Variants in KRT72 observed in about 807,000 individuals in gnomAD.
KRT72 encodes keratin, type II cytoskeletal 72.
Under a neutral mutation model 44.7 loss-of-function variants are expected in KRT72, and 44 were observed. The ratio of observed to expected loss-of-function variants is 0.98; its 90% CI spans 0.77 to 1.27. KRT72 has a LOEUF of 1.27. KRT72 is among the 50% of genes most tolerant of loss of function. The pLI is 0.00. For synonymous variants in KRT72, 302 were observed against 280.4 expected, an observed-to-expected ratio of 1.08 and a Z score of -0.77; for missense variants, 736 against 667.1, an observed-to-expected ratio of 1.10 and a Z score of -1.14.
At chr12:52,589,014 AT>A (rs200004161) in intron 6 of KRT72, among the ~76,000 whole-genome samples, 3,080 of 151,360 alleles carry the variant, frequency 0.02, 101 homozygotes, top group African/African-American at 0.072. Context: ...ATATATATAT[AT>A]ATTAATTAAT....
At chr12:52,586,200 C>T in intron 8 of KRT72, 28 bp from the exon 9 acceptor site, 1 of 1,598,492 alleles carries the variant, frequency 6.3e-7, no homozygotes, top group South Asian at 1.1e-5. Flanking sequence ...AGACCTCAGC[C>T]CCCGTCAGCT....
At chr12:52,588,398 G>A (rs1432177155) in intron 6 of KRT72, among the ~76,000 whole-genome samples, 1 of 152,192 alleles carries the variant, frequency 6.6e-6, no homozygotes, top group Non-Finnish European at 1.5e-5. Context: ...ACTTAACTGG[G>A]AACGGAAAAC....
chr12:52,599,449 C>T (rs1466839316), intron 1 of KRT72: 1 of 472,164 alleles, frequency 2.1e-6, no homozygotes, highest in South Asian at 1.5e-5. Context: ...GAAACAGGGA[C>T]TGGGGAGTGA....
At chr12:52,594,143 C>T (rs1286376300) in intron 2 of KRT72, among the ~76,000 whole-genome samples, 3 of 152,220 alleles carry the variant, frequency 2.0e-5, no homozygotes, top group Non-Finnish European at 4.4e-5. Flanking sequence ...CAGCTCTTCG[C>T]TCATTCCTAA....
chr12:52,595,031 TTAATAAAAATAAGACA>T (rs2120782348), intron 2 of KRT72, among the ~76,000 whole-genome samples: 1 of 152,348 alleles, frequency 6.6e-6, no homozygotes, highest in South Asian at 2.1e-4. Context: ...CTACCCCCTC[TTAATAAAAATAAGACA>T]TATGGTAGTT....
At chr12:52,592,802 C>T (rs1940095437) in intron 3 of KRT72, 90 bp downstream of exon 3, 3 of 1,117,010 alleles carry the variant, frequency 2.7e-6, no homozygotes, top group Non-Finnish European at 1.3e-6. Context: ...GACTGAGTGA[C>T]CTACAGGGCC....
chr12:52,596,557 C>CTT (rs563415298), intron 2 of KRT72, among the ~76,000 whole-genome samples: 3 of 141,810 alleles, frequency 2.1e-5, no homozygotes, highest in Admixed American at 1.4e-4. Flanking sequence ...TTTTTTCTTT[C>CTT]TTTTTTTTTT....
At chr12:52,592,337 G>A in intron 4 of KRT72, 59 bp downstream of exon 4, 5 of 1,230,326 alleles carry the variant, frequency 4.1e-6, no homozygotes, top group Non-Finnish European at 6.0e-6. Flanking sequence ...TCCAGCCAGG[G>A]GCCAGAAACC....
At chr12:52,593,337 G>A (rs947946551) in intron 2 of KRT72, among the ~76,000 whole-genome samples, 4 of 152,078 alleles carry the variant, frequency 2.6e-5, no homozygotes, top group Non-Finnish European at 4.4e-5. Flanking sequence ...AACCTCCTAG[G>A]CACCAAACAA....
At chr12:52,593,057 G>T in intron 2 of KRT72, 105 bp from the exon 3 acceptor site, 1 of 963,552 alleles carries the variant, frequency 1.0e-6, no homozygotes, top group Non-Finnish European at 1.5e-6. Context: ...CTTCAAACTG[G>T]GATTCCCATA....
At chr12:52,587,093 T>G in intron 7 of KRT72, 113 bp from the exon 8 acceptor site, 2 of 920,936 alleles carry the variant, frequency 2.2e-6, no homozygotes, top group Non-Finnish European at 3.6e-6. Context: ...CCCAAACCCA[T>G]CCTAGCCTCC....
rs1214588046 is a variant in KRT72 at position 52,592,510 on chromosome 12, C to T, written c.703-19G>A. 3.1e-6 allele frequency: 5 copies of T among 1,603,618 alleles called. No individual in the cohort carries two copies. The highest frequency in any genetic ancestry group is 3.4e-6 in the Non-Finnish European group (4 of 1,171,618). On this transcript the variant is annotated intron_variant, in intron 3 of 8. Coordinates refer to ENST00000293745, the MANE Select transcript of KRT72 (RefSeq NM_080747.3). ...CCACGTCCTGGGAGCACATGATAGT[C>T]AAGCCGCCCTGAGAGGGCCTCCCCT... is the stretch of plus-strand genomic sequence containing the variant.
chr12:52,601,327 G>T lies in KRT72; in HGVS notation c.126C>A (p.Ala42=). 6.5e-7 allele frequency: 1 copy of T among 1,545,654 alleles called. No individual in the cohort carries two copies. The highest frequency in any genetic ancestry group is 8.7e-7 in the Non-Finnish European group (1 of 1,146,998). The change falls in exon 1 of 9, where the codon GCC becomes GCA. Residue 42 remains alanine, a synonymous_variant. Coordinates refer to ENST00000293745, the MANE Select transcript of KRT72 (RefSeq NM_080747.3). ...AGGAGAGGCTCTTGCTGCCAAAGGAGGCCGAGCCCTTGACCCGGGCCCGGA... is the reference window on the plus strand; with the variant it reads ...AGGAGAGGCTCTTGCTGCCAAAGGATGCCGAGCCCTTGACCCGGGCCCGGA... The part of the protein sequence containing the change: ...ASFRARVKGS[A]SFGSKSLSCL...
upstream of KRT72, chr12:52,601,524 G>C (rs1940465094): frequency 6.1e-6 from 9 of 1,464,126 alleles, no homozygotes; most frequent in Non-Finnish European, 8.2e-6. Flanking sequence ...TCTCGGCCCA[G>C]CTCGCCCCTT....
intron 6 of KRT72, among the ~76,000 whole-genome samples, chr12:52,588,093 G>T (rs1206098755): frequency 1.3e-5 from 2 of 152,216 alleles, no homozygotes; most frequent in African/African-American, 4.8e-5. Flanking sequence ...GGAGGGGAAG[G>T]CACGGAGAAA....
chr12:52,599,309 G>A, intron 1 of KRT72, 197 bp from the exon 2 acceptor site: 1 of 656,570 alleles, frequency 1.5e-6, no homozygotes, highest in African/African-American at 1.8e-5. Context: ...CGGTCTATAT[G>A]GAATCAGGAA....
At chr12:52,594,755 TA>T (rs537430950) in intron 2 of KRT72, among the ~76,000 whole-genome samples, 1 of 151,294 alleles carries the variant, frequency 6.6e-6, no homozygotes, top group East Asian at 1.9e-4. Context: ...TATAATAATT[TA>T]AAAAAAAAGC....
rs12833456 is a variant in KRT72, at chr12:52,592,403, T to C, written c.791A>G (p.Tyr264Cys). 615,478 of 1,606,810 alleles carry C rather than the reference T, an allele frequency of 0.38. 122,080 individuals carry two copies. Among genetic ancestry groups the C allele is most frequent in the East Asian group, 0.56 (25,297 of 44,824 alleles). Reference protein sequence around the residue: ...TDEIKFFKCLYEGEITQIQSH... With the variant: ...TDEIKFFKCLCEGEITQIQSH... ...GGTCAGCCAAGTCCTTACCCCTTCA[T>C]AAAGGCACTTGAAGAATTTAATCTC... Residue 264 changes from tyrosine (Y) to cysteine (C), a missense_variant, in exon 4 of 9, where the codon TAT (tyrosine) becomes TGT (cysteine). Transcript: ENST00000293745.
At chr12:52,593,025 C>T in intron 2 of KRT72, 73 bp from the exon 3 acceptor site, 1 of 1,413,756 alleles carries the variant, frequency 7.1e-7, no homozygotes, top group Non-Finnish European at 9.7e-7. Context: ...CACCTCTGTG[C>T]TGAGAGCTGC....
Sources: allele counts gnomAD v4.1 joint callset (sites outside exome capture counted in the v4.1 genomes callset), GRCh38; gene constraint gnomAD v4.1.1; transcripts MANE v1.5; gene names NCBI Gene and HGNC (gene_info 2026-07-23, HGNC 2026-07-21).